Variants in MFAP5 observed in about 807,000 individuals in gnomAD.
The protein encoded by MFAP5 is microfibril associated protein 5.
In MFAP5, 19 loss-of-function variants were observed where a neutral mutation model predicts 30.1. The observed-to-expected ratio is 0.63, with a 90% CI of 0.44 to 0.93. The LOEUF is 0.93. MFAP5 is among the 40% of genes least tolerant of loss of function. MFAP5 has a pLI of 0.00. For missense variants in MFAP5, 210 were observed against 221.3 expected (o/e 0.95, Z 0.32); for synonymous variants, 92 against 72.9 (o/e 1.26, Z -1.33).
chr12:8,648,278 G>C, intron 9 of MFAP5, 75 bp from the exon 10 acceptor site: 1 of 1,265,800 alleles, frequency 7.9e-7, no homozygotes, highest in South Asian at 1.3e-5. Flanking sequence ...GGATAGAGAA[G>C]ACTTTTCAGT....
At chr12:8,657,620 A>G (rs1196312872) in intron 3 of MFAP5, among the ~76,000 whole-genome samples, 1 of 124,758 alleles carries the variant, frequency 8.0e-6, no homozygotes, top group Non-Finnish European at 1.6e-5. Flanking sequence ...CCCAGGCTGG[A>G]GTGCAGTGGC....
At chr12:8,648,659 C>T (rs1169969484) in intron 9 of MFAP5, 1 of 566,750 alleles carries the variant, frequency 1.8e-6, no homozygotes, top group Non-Finnish European at 2.8e-6. Context: ...TTGAAAGTGC[C>T]TAGAGTCCCA....
chr12:8,655,643 A>C, intron 4 of MFAP5, 143 bp downstream of exon 4: 1 of 1,036,410 alleles, frequency 9.6e-7, no homozygotes, highest in Non-Finnish European at 1.4e-6. Flanking sequence ...AGATGCTGGC[A>C]TCTAAGGTGA....
chr12:8,656,555 A>C (rs1209128993), intron 3 of MFAP5, among the ~76,000 whole-genome samples: 4 of 128,652 alleles, frequency 3.1e-5, no homozygotes, highest in South Asian at 2.5e-4. Context: ...TTACAGGCGC[A>C]TACCACCATG....
chr12:8,662,106 T>G lies in MFAP5; in HGVS notation c.-2A>C, dbSNP rs1441821712. On this transcript the variant is annotated splice_region_variant and 5_prime_UTR_variant, in exon 2 of 10. Coordinates refer to ENST00000359478, the MANE Select transcript of MFAP5 (RefSeq NM_003480.4). ...CACCTTGGGTCCCAAGAGCGACATA[T>G]CTATAGGGGTGGTGGGCATAGCAGA... The G allele has an allele frequency of 6.2e-7, 1 of 1,613,152 alleles. No individual in the cohort carries two copies. The highest frequency in any genetic ancestry group is 8.5e-7 in the Non-Finnish European group (1 of 1,179,860).
At chr12:8,657,325 A>G (rs2136476089) in intron 3 of MFAP5, among the ~76,000 whole-genome samples, 1 of 152,154 alleles carries the variant, frequency 6.6e-6, no homozygotes, top group East Asian at 1.9e-4. Context: ...AGGCTGAGGC[A>G]GGAGAATCGC....
At chr12:8,650,843 A>G (rs958743533) in intron 7 of MFAP5, among the ~76,000 whole-genome samples, 1 of 152,206 alleles carries the variant, frequency 6.6e-6, no homozygotes, top group African/African-American at 2.4e-5. Flanking sequence ...CACTTCTAGG[A>G]ATAAAGTCTT....
chr12:8,662,148 G>A (rs1942172162), intron 1 of MFAP5, 42 bp from the exon 2 acceptor site: 1 of 1,557,640 alleles, frequency 6.4e-7, no homozygotes, highest in African/African-American at 1.4e-5. Context: ...GATGCTCAGA[G>A]GCACATCAGC....
intron 3 of MFAP5, among the ~76,000 whole-genome samples, chr12:8,658,923 T>G (rs1265837320): frequency 6.6e-6 from 1 of 151,468 alleles, no homozygotes; most frequent in Non-Finnish European, 1.5e-5. Flanking sequence ...TTCGAACTCC[T>G]GGGCTCAAGC....
chr12:8,649,604 A>G (rs1440563092), intron 8 of MFAP5, 30 bp from the exon 9 acceptor site: 1 of 1,596,016 alleles, frequency 6.3e-7, no homozygotes, highest in Non-Finnish European at 8.6e-7. Flanking sequence ...ATAGGCAAGG[A>G]AGGAGATGGA....
chr12:8,657,937 AT>A (rs1200265214), intron 3 of MFAP5, among the ~76,000 whole-genome samples: 2 of 152,192 alleles, frequency 1.3e-5, no homozygotes, highest in Non-Finnish European at 2.9e-5. Flanking sequence ...GGGAACAAAT[AT>A]TTTTATAAAG....
Position 8,650,317 on chromosome 12 carries a change from T to C in MFAP5, c.335+185A>G, listed in dbSNP as rs776765210. 11 of 593,388 alleles carry C rather than the reference T, an allele frequency of 1.9e-5. No homozygotes were observed. In the East Asian group the frequency reaches 3.1e-4, roughly 17 times the overall value. 36.8% of individuals were successfully genotyped at this position (593,388 alleles called of 1,614,324 possible). A position where few individuals can be genotyped will look rare whatever the true frequency, so the allele number is the denominator to read the frequency against. On this transcript the variant is annotated intron_variant, in intron 8 of 9. Coordinates refer to ENST00000359478, the MANE Select transcript of MFAP5 (RefSeq NM_003480.4). Reference sequence around the variant, plus strand: ...CTTCTAAGTTCTATTACTCTGCCTGTTCTTTGTACACTTCAGCCCATACTC... The same window carrying C: ...CTTCTAAGTTCTATTACTCTGCCTGCTCTTTGTACACTTCAGCCCATACTC...
intron 7 of MFAP5, 83 bp from the exon 8 acceptor site, chr12:8,650,672 A>G: frequency 8.5e-7 from 1 of 1,176,334 alleles, no homozygotes; most frequent in South Asian, 1.2e-5. Context: ...GGAAGGATAG[A>G]TAGAGTAGGA....
chr12:8,646,302 G>T lies in MFAP5; in HGVS notation c.*1789C>A, dbSNP rs1327380115. On this transcript the variant is annotated 3_prime_UTR_variant, in exon 10 of 10. Coordinates refer to ENST00000359478, the MANE Select transcript of MFAP5 (RefSeq NM_003480.4). ...AATTGTTTCTTAACAGCAAGAATCTGATCATTTAACTAGTTTTCTCAGCAA... is the reference window on the plus strand; with the variant it reads ...AATTGTTTCTTAACAGCAAGAATCTTATCATTTAACTAGTTTTCTCAGCAA... The T allele has an allele frequency of 3.9e-5, 6 of 152,084 alleles. No homozygotes were observed. The highest frequency in any genetic ancestry group is 1.4e-4 in the African/African-American group (6 of 41,418). 9.4% of individuals were successfully genotyped at this position (152,084 alleles called of 1,614,324 possible).
At chr12:8,648,793 G>C (rs916889717) in intron 9 of MFAP5, among the ~76,000 whole-genome samples, 2 of 152,200 alleles carry the variant, frequency 1.3e-5, no homozygotes, top group African/African-American at 4.8e-5. Flanking sequence ...TCAGCACAAA[G>C]CGGGCTGCTG....
In MFAP5 at chr12:8,655,626, C is replaced by T. The variant is rs79153086; in HGVS notation, c.139+160G>A. Among the ~76,000 whole-genome samples the T allele has an allele frequency of 0.053, 8,099 of 152,170 alleles. 328 individuals carry two copies. Among genetic ancestry groups the T allele is most frequent in the Admixed American group, 0.12 (1,885 of 15,278 alleles). Reference sequence around the variant, plus strand: ...GGAAGAGAGAGTAAGACTGGGCATGCGTACAGAGATGCTGGCATCTAAGGT... The same window carrying T: ...GGAAGAGAGAGTAAGACTGGGCATGTGTACAGAGATGCTGGCATCTAAGGT... On this transcript the variant is annotated intron_variant, in intron 4 of 9. Transcript: ENST00000359478.
rs990633066 is a variant in MFAP5, at chr12:8,648,201, C to T, written c.412G>A (p.Glu138Lys). The change falls in exon 10 of 10, where the codon GAG becomes AAG. Residue 138 changes from glutamate (E) to lysine (K), a missense_variant and splice_region_variant. Transcript: ENST00000359478. ...AGACCAGCCATCTGACGGCAAAGCT[C>T]ATCTAGAAGAGAAGCAGAACATCAT... Reference protein sequence around the residue: ...VCKEHEAMKDELCRQMAGLPP... With the variant: ...VCKEHEAMKDKLCRQMAGLPP... The T allele has an allele frequency of 1.2e-6, 2 of 1,611,078 alleles. No homozygotes were observed. The highest frequency in any genetic ancestry group is 4.5e-5 in the East Asian group (2 of 44,858).
chr12:8,657,102 A>T (rs1942022659), intron 3 of MFAP5, among the ~76,000 whole-genome samples: 1 of 152,216 alleles, frequency 6.6e-6, no homozygotes, highest in African/African-American at 2.4e-5. Flanking sequence ...CACTTTATAC[A>T]CATCTATCAA....
chr12:8,655,604 A>C (rs1160830952), intron 4 of MFAP5, among the ~76,000 whole-genome samples, 157 bp from the exon 5 acceptor site: 2 of 152,240 alleles, frequency 1.3e-5, no homozygotes, highest in African/African-American at 4.8e-5. Flanking sequence ...AAGAAATGGA[A>C]GAGAGAGTAA....
Sources: gnomAD v4.1 joint callset for allele counts (sites outside exome capture counted in the v4.1 genomes callset) on GRCh38, gnomAD v4.1.1 for gene constraint, MANE v1.5 for transcripts, NCBI Gene and HGNC (gene_info 2026-07-23, HGNC 2026-07-21) for gene names.